WWOX: variants seen among roughly 807,000 people sequenced by gnomAD.
WWOX encodes the protein WW domain containing oxidoreductase, also known as WW domain-containing oxidoreductase.
Under a neutral mutation model 46.2 loss-of-function variants are expected in WWOX, and 69 were observed. The ratio of observed to expected loss-of-function variants is 1.49; its 90% confidence interval spans 1.23 to 1.82. The LOEUF is 1.82. Among genes scored for constraint, WWOX ranks in the 40% most tolerant of loss-of-function variants. The pLI is 0.00. For synonymous variants in WWOX, 359 were observed against 202.6 expected, an observed-to-expected ratio of 1.77 and a Z score of -6.56; for missense variants, 919 against 542.6, an observed-to-expected ratio of 1.69 and a Z score of -6.89.
At chr16:79,090,279 G>A (rs2048931706) in intron 8 of WWOX, among the ~76,000 whole-genome samples, 1 of 131,158 alleles carries the variant, frequency 7.6e-6, no homozygotes, top group South Asian at 2.7e-4. Context: ...TCTACTGTGT[G>A]CGTGTGTGTG....
At chr16:78,369,217 A>C (rs2081608273) in intron 5 of WWOX, among the ~76,000 whole-genome samples, 1 of 152,202 alleles carries the variant, frequency 6.6e-6, no homozygotes, top group Non-Finnish European at 1.5e-5. Flanking sequence ...GAGTTTACAC[A>C]GTGATGTCAG....
chr16:78,961,970 T>C (rs72808748), intron 8 of WWOX, among the ~76,000 whole-genome samples: 10,812 of 152,172 alleles, frequency 0.071, 512 homozygotes, highest in Non-Finnish European at 0.11. Context: ...AGCCAAGTCT[T>C]TGTTGCCTTA....
intron 8 of WWOX, among the ~76,000 whole-genome samples, chr16:78,971,213 C>T (rs148351065): frequency 1.3e-5 from 2 of 152,166 alleles, no homozygotes; most frequent in East Asian, 3.9e-4. Context: ...GTAATCCCAG[C>T]ACTTTGAGAG....
At chr16:78,312,943 T>A (rs1445690734) in intron 5 of WWOX, among the ~76,000 whole-genome samples, 1 of 152,198 alleles carries the variant, frequency 6.6e-6, no homozygotes, top group African/African-American at 2.4e-5. Flanking sequence ...TATCAGTGGG[T>A]TCCCAGCTGC....
chr16:78,637,270 C>T (rs1422372316), intron 8 of WWOX, among the ~76,000 whole-genome samples: 2 of 151,984 alleles, frequency 1.3e-5, no homozygotes, highest in Non-Finnish European at 2.9e-5. Flanking sequence ...CGACCCTTCC[C>T]ATATCTACTA....
intron 8 of WWOX, among the ~76,000 whole-genome samples, chr16:78,618,790 C>T (rs147879032): frequency 0.014 from 2,158 of 151,914 alleles, 28 homozygotes; most frequent in Non-Finnish European, 0.025. Context: ...GAGAAGGAAG[C>T]TTGGAGTCGC....
intron 8 of WWOX, among the ~76,000 whole-genome samples, chr16:78,697,296 T>G (rs1403737648): frequency 6.6e-6 from 1 of 152,198 alleles, no homozygotes; most frequent in African/African-American, 2.4e-5. Flanking sequence ...GTAGAAGTGT[T>G]CCCTGCTCAC....
chr16:78,672,084 C>T (rs8054120), intron 8 of WWOX, among the ~76,000 whole-genome samples: 29,889 of 152,116 alleles, frequency 0.2, 3,647 homozygotes, highest in African/African-American at 0.35. Flanking sequence ...TGTTATCTTA[C>T]TTCACAACTC....
At chr16:78,698,112 T>C (rs1225849907) in intron 8 of WWOX, among the ~76,000 whole-genome samples, 1 of 152,236 alleles carries the variant, frequency 6.6e-6, no homozygotes, top group Non-Finnish European at 1.5e-5. Flanking sequence ...TTCAACTCTC[T>C]CATTGGCATC....
intron 5 of WWOX, among the ~76,000 whole-genome samples, chr16:78,184,353 T>C (rs1433328442): frequency 1.3e-5 from 2 of 152,198 alleles, no homozygotes; most frequent in Admixed American, 1.3e-4. Context: ...TGTTTTCTCA[T>C]GATGCCAGAG....
chr16:79,130,169 T>C lies in WWOX; in HGVS notation c.1057-81439T>C, dbSNP rs570488239. On this transcript the variant is annotated intron_variant, in intron 8 of 8. Coordinates refer to ENST00000566780, the MANE Select transcript of WWOX (RefSeq NM_016373.4). ...AGCTCACAGTCACAGGCTGGTGGAG[T>C]TGGGATTTCAAACCCAGAGTGTCTG... is the stretch of plus-strand genomic sequence containing the variant. Among the ~76,000 whole-genome samples, 9 of 152,192 alleles carry C rather than the reference T, an allele frequency of 5.9e-5. No individual in the cohort carries two copies. In the South Asian group the frequency reaches 1.7e-3, roughly 28 times the overall value.
intron 8 of WWOX, among the ~76,000 whole-genome samples, chr16:78,746,267 G>T (rs750716534): frequency 5.3e-5 from 8 of 152,316 alleles, no homozygotes; most frequent in Middle Eastern, 3.4e-3. Flanking sequence ...GGAGGCCAAG[G>T]CAGGAGGATT....
intron 8 of WWOX, among the ~76,000 whole-genome samples, chr16:78,523,930 T>G (rs1217261344): frequency 6.6e-6 from 1 of 152,228 alleles, no homozygotes; most frequent in Non-Finnish European, 1.5e-5. Flanking sequence ...ACCAGTGATT[T>G]CTGTTTTTCC....
chr16:79,078,913 C>G (rs112954707), intron 8 of WWOX, among the ~76,000 whole-genome samples: 187 of 152,304 alleles, frequency 1.2e-3, no homozygotes, highest in African/African-American at 4.0e-3. Flanking sequence ...CTTTATTTCC[C>G]TGTTAGGCCT....
intron 4 of WWOX, among the ~76,000 whole-genome samples, chr16:78,124,986 T>G (rs1423451551): frequency 6.6e-6 from 1 of 152,180 alleles, no homozygotes; most frequent in Non-Finnish European, 1.5e-5. Flanking sequence ...GTATGAAGTT[T>G]ATTTCATATA....
chr16:78,427,530 A>G (rs1567567081), intron 7 of WWOX, among the ~76,000 whole-genome samples: 1 of 147,472 alleles, frequency 6.8e-6, no homozygotes, highest in African/African-American at 2.6e-5. Context: ...AATCACACAT[A>G]CACGCACGCA....
chr16:78,728,846 G>A (rs1317181980), intron 8 of WWOX, among the ~76,000 whole-genome samples: 2 of 152,204 alleles, frequency 1.3e-5, no homozygotes, highest in Non-Finnish European at 2.9e-5. Flanking sequence ...TAAACCTTGT[G>A]TTGGAGTTTC....
chr16:78,442,011 C>G (rs1011815241), intron 8 of WWOX, among the ~76,000 whole-genome samples: 1 of 149,916 alleles, frequency 6.7e-6, no homozygotes, highest in African/African-American at 2.5e-5. Flanking sequence ...GTGGCTCTTG[C>G]CTATAATCCT....
chr16:78,400,102 C>G (rs2082376882), intron 6 of WWOX, among the ~76,000 whole-genome samples: 1 of 152,156 alleles, frequency 6.6e-6, no homozygotes, highest in African/African-American at 2.4e-5. Flanking sequence ...AACGGGACCT[C>G]TCAATTAGCG....
Sources: allele counts gnomAD v4.1 joint callset (sites outside exome capture counted in the v4.1 genomes callset), GRCh38; gene constraint gnomAD v4.1.1; transcripts MANE v1.5; gene names NCBI Gene and HGNC (gene_info 2026-07-23, HGNC 2026-07-21).